RPS15A: variants seen among roughly 807,000 people sequenced by gnomAD.
RPS15A encodes small ribosomal subunit protein uS8.
For missense variants in RPS15A, 62 were observed against 163.4 expected (o/e 0.38, Z 3.38); for synonymous variants, 55 against 58.5 (o/e 0.94, Z 0.27).
rs185393047 is a variant in RPS15A, at chr16:18,790,165, T to C, written c.-6+79A>G. 804 of 152,494 alleles carry C rather than the reference T, an allele frequency of 5.3e-3. 2 individuals are homozygous for C. Among genetic ancestry groups the C allele is most frequent in the Non-Finnish European group, 8.0e-3 (544 of 68,194 alleles). 9.4% of individuals were successfully genotyped at this position (152,494 alleles called of 1,614,324 possible). The stretch of plus-strand genomic sequence containing the variant: ...GGCGCCCAGCCATGGCTCTCCTCTA[T>C]GCCTGTCCAGGAACCGGCAAGGCCA... On this transcript the variant is annotated intron_variant, in intron 1 of 4. Coordinates refer to ENST00000322989, the MANE Select transcript of RPS15A (RefSeq NM_001019.5).
At chr16:18,783,270 G>T (rs1364745501) in intron 4 of RPS15A, 168 bp from the exon 5 acceptor site, 1 of 567,560 alleles carries the variant, frequency 1.8e-6, no homozygotes, top group Non-Finnish European at 3.1e-6. Flanking sequence ...TATGAGCCAT[G>T]ACTCCTGCAA....
intron 4 of RPS15A, chr16:18,783,961 T>C (rs1904005817): frequency 3.6e-6 from 1 of 280,892 alleles, no homozygotes; most frequent in South Asian, 3.5e-5. Flanking sequence ...CTGGCCCTCA[T>C]CTGGGATCAC....
intron 3 of RPS15A, chr16:18,785,448 C>T (rs1373862559): frequency 6.6e-6 from 1 of 152,182 alleles, no homozygotes; most frequent in Non-Finnish European, 1.5e-5. Flanking sequence ...CAATGATCCT[C>T]CCAAGTAAAA....
chr16:18,787,722 C>T (rs984386853), intron 3 of RPS15A, among the ~76,000 whole-genome samples: 1 of 152,238 alleles, frequency 6.6e-6, no homozygotes, highest in Admixed American at 6.5e-5. Context: ...AAGGACACAG[C>T]ACCTTGGACA....
At chr16:18,788,021 A>G in intron 3 of RPS15A, 42 bp downstream of exon 3, 13 of 1,276,756 alleles carry the variant, frequency 1.0e-5, no homozygotes, top group Non-Finnish European at 1.4e-5. Context: ...CCACAGTAAA[A>G]AATTCTTAAA....
At chr16:18,784,868 T>A in intron 3 of RPS15A, 45 bp from the exon 4 acceptor site, 1 of 1,473,178 alleles carries the variant, frequency 6.8e-7, no homozygotes, top group Non-Finnish European at 9.3e-7. Context: ...ACTTTACCAA[T>A]AACAGAAAAA....
intron 2 of RPS15A, 66 bp from the exon 3 acceptor site, chr16:18,788,208 A>T (rs1477129465): frequency 1.4e-5 from 14 of 1,012,170 alleles, no homozygotes; most frequent in Non-Finnish European, 1.7e-5. Context: ...TCTGTGCTCT[A>T]GCCTACTCAA....
intron 2 of RPS15A, 45 bp downstream of exon 2, chr16:18,788,936 G>C (rs1300994478): frequency 6.3e-7 from 1 of 1,581,880 alleles, no homozygotes; most frequent in Admixed American, 1.8e-5. Context: ...TGATTTCTTA[G>C]AGAGTCTCAC....
chr16:18,788,985 C>T lies in RPS15A; in HGVS notation c.129G>A (p.Lys43=), dbSNP rs1282993140. The T allele has an allele frequency of 6.2e-7, 1 of 1,612,132 alleles. No homozygotes were observed. Among genetic ancestry groups the T allele is most frequent in the Admixed American group, 1.7e-5 (1 of 59,386 alleles). Residue 43 remains lysine, a synonymous_variant, in exon 2 of 5, where the codon AAG becomes AAA. Transcript: ENST00000322989. ...VIVRFLTVMM[K]HGYIGEFEII... ...ACACAGCGGCAGCAGACTTACCATG[C>T]TTCATCATCACAGTGAGAAACCGGA...
At chr16:18,783,367 C>G (rs570759591) in intron 4 of RPS15A, 3 of 466,224 alleles carry the variant, frequency 6.4e-6, no homozygotes, top group Admixed American at 7.3e-5. Context: ...GCACTGAAAA[C>G]AAAGGCTGGG....
At chr16:18,786,908 A>C (rs1415784829) in intron 3 of RPS15A, 1 of 152,276 alleles carries the variant, frequency 6.6e-6, no homozygotes, top group Non-Finnish European at 1.5e-5. Context: ...CCTGTTACCC[A>C]GGCTGGAGTG....
chr16:18,784,549 C>A (rs529220283), intron 4 of RPS15A, 189 bp downstream of exon 4: 1 of 541,860 alleles, frequency 1.8e-6, no homozygotes, highest in East Asian at 3.3e-5. Flanking sequence ...CCTGGCCAAC[C>A]CTGTCTCTTT....
rs1226289345 is a variant in RPS15A at position 18,782,622 on chromosome 16, TGA to T, written c.*385_*386del. On this transcript the variant is annotated 3_prime_UTR_variant, in exon 5 of 5. Transcript: ENST00000322989. The stretch of plus-strand genomic sequence containing the variant: ...TTGTAATCCCAGTTACTCAGGCGGC[TGA>T]GACAGGACAATCACTTGAACCCGGG... The T allele has an allele frequency of 6.4e-6, 1 of 156,432 alleles. No homozygotes were observed. Among genetic ancestry groups the T allele is most frequent in the African/African-American group, 2.4e-5 (1 of 40,818 alleles). 9.7% of individuals were successfully genotyped at this position (156,432 alleles called of 1,614,324 possible). A position where few individuals can be genotyped will look rare whatever the true frequency, so the allele number is the denominator to read the frequency against.
intron 3 of RPS15A, 72 bp from the exon 4 acceptor site, chr16:18,784,895 G>T: frequency 8.1e-7 from 1 of 1,241,340 alleles, no homozygotes; most frequent in South Asian, 1.3e-5. Flanking sequence ...AACACAAGAT[G>T]ACATTCATAA....
chr16:18,784,652 GA>G, intron 4 of RPS15A, 85 bp downstream of exon 4: 1 of 1,043,866 alleles, frequency 9.6e-7, no homozygotes, highest in Non-Finnish European at 1.4e-6. Context: ...GTTTTAAACA[GA>G]AAAAAAGAAA....
rs955984699 is a variant in RPS15A, at chr16:18,781,448, G to A, written c.*1561C>T. ...ATGGTTAAACAAGCCAGAGCCCTGT[G>A]ATCCTAGGGCTTACAATGCTGGCAT... On this transcript the variant is annotated 3_prime_UTR_variant, in exon 5 of 5. Coordinates refer to ENST00000322989, the MANE Select transcript of RPS15A (RefSeq NM_001019.5). 7.9e-5 allele frequency: 12 copies of A among 151,464 alleles called. No individual in the cohort carries two copies. Among genetic ancestry groups the A allele is most frequent in the Admixed American group, 5.3e-4 (8 of 15,174 alleles). The allele number at this position is 151,464 out of a possible 1,614,324, so 9.4% of individuals were successfully genotyped here. A position where few individuals can be genotyped will look rare whatever the true frequency, so the allele number is the denominator to read the frequency against.
chr16:18,788,805 A>T (rs2029953288), intron 2 of RPS15A, 176 bp downstream of exon 2: 1 of 630,248 alleles, frequency 1.6e-6, no homozygotes, highest in Non-Finnish European at 2.8e-6. Context: ...CAGCAGTCCT[A>T]CTCTAAGTGA....
rs537212531 is a variant in RPS15A, at chr16:18,790,302, C to A, written c.-64G>T. On this transcript the variant is annotated 5_prime_UTR_variant, in exon 1 of 5. Coordinates refer to ENST00000322989, the MANE Select transcript of RPS15A (RefSeq NM_001019.5). ...ATGAAATTGGAGCTCTCAGAGAGTGCTACTCACCGGCGCGGAAAGATGGCG... is the reference window on the plus strand; with the variant it reads ...ATGAAATTGGAGCTCTCAGAGAGTGATACTCACCGGCGCGGAAAGATGGCG... The A allele has an allele frequency of 6.6e-6, 1 of 152,272 alleles. No homozygotes were observed. 9.4% of individuals were successfully genotyped at this position (152,272 alleles called of 1,614,324 possible).
rs56008565 is a variant in RPS15A, at chr16:18,782,729, G to GAAA, written c.*277_*279dup. 3.0e-3 allele frequency: 486 copies of GAAA among 163,318 alleles called. No homozygotes were observed. Among genetic ancestry groups the GAAA allele is most frequent in the South Asian group, 7.1e-3 (61 of 8,532 alleles). The allele number at this position is 163,318 out of a possible 1,614,324, so 10.1% of individuals were successfully genotyped here. A position where few individuals can be genotyped will look rare whatever the true frequency, so the allele number is the denominator to read the frequency against. Reference sequence around the variant, plus strand: ...AGAGTCAGACTCTGTCTCCAAAAAAGAAAAAAAAAAAAAAAAACTGAAATA... The same window carrying GAAA: ...AGAGTCAGACTCTGTCTCCAAAAAAGAAAAAAAAAAAAAAAAAAAACTGAAATA... On this transcript the variant is annotated 3_prime_UTR_variant, in exon 5 of 5. Coordinates refer to ENST00000322989, the MANE Select transcript of RPS15A (RefSeq NM_001019.5).
Sources: allele counts gnomAD v4.1 joint callset (sites outside exome capture counted in the v4.1 genomes callset), GRCh38; gene constraint gnomAD v4.1.1; transcripts MANE v1.5; gene names NCBI Gene and HGNC (gene_info 2026-07-23, HGNC 2026-07-21).